The following RALYL variants were observed in gnomAD, a reference collection of about 807,000 sequenced individuals.
RALYL encodes RNA-binding Raly-like protein.
A neutral mutation model predicts 35.1 loss-of-function variants in RALYL; 29 were observed. The ratio of observed to expected loss-of-function variants is 0.83; its 90% confidence interval spans 0.61 to 1.13. RALYL has a LOEUF of 1.13. RALYL is among the 50% of genes most tolerant of loss of function. RALYL has a pLI of 0.00. For synonymous variants in RALYL, 120 were observed against 127.6 expected (o/e 0.94, Z 0.40); for missense variants, 359 against 360.4 (o/e 1.00, Z 0.03).
At chr8:84,369,881 T>A (rs1855333113) in intron 1 of RALYL, among the ~76,000 whole-genome samples, 1 of 152,118 alleles carries the variant, frequency 6.6e-6, no homozygotes, top group South Asian at 2.1e-4. Flanking sequence ...TCAGTTAATA[T>A]AATGAATTAA....
At chr8:84,640,665 A>G (rs543677304) in intron 2 of RALYL, among the ~76,000 whole-genome samples, 30 of 152,106 alleles carry the variant, frequency 2.0e-4, no homozygotes, top group African/African-American at 6.7e-4. Flanking sequence ...ACTGGAGGAA[A>G]AAACTTACAG....
chr8:84,628,343 T>G (rs537771145), intron 2 of RALYL, among the ~76,000 whole-genome samples: 1 of 152,232 alleles, frequency 6.6e-6, no homozygotes, highest in South Asian at 2.1e-4. Flanking sequence ...CAAAAAGGCC[T>G]TCCTCACTCC....
Position 84,568,039 on chromosome 8 carries a change from G to GT in RALYL, c.256+38471dup, listed in dbSNP as rs541180970. 9.6e-4 allele frequency among the ~76,000 whole-genome samples: 144 copies of GT among 150,256 alleles called. 1 individual carries two copies. In the South Asian group the frequency reaches 0.025, roughly 26 times the overall value. ...AATGTCTGTTCATGTCCTTTTCCCAGTTTTTTTTTAAATTTTATTATTATT... is the reference window on the plus strand; with the variant it reads ...AATGTCTGTTCATGTCCTTTTCCCAGTTTTTTTTTTAAATTTTATTATTATT... On this transcript the variant is annotated intron_variant, in intron 2 of 8. Transcript: ENST00000521268.
At chr8:84,425,128 G>A (rs1292669682) in intron 1 of RALYL, among the ~76,000 whole-genome samples, 1 of 152,238 alleles carries the variant, frequency 6.6e-6, no homozygotes, top group Non-Finnish European at 1.5e-5. Flanking sequence ...CCTGGGCAAT[G>A]GCGGACGCCC....
chr8:84,321,394 G>A (rs1844775433), intron 1 of RALYL, among the ~76,000 whole-genome samples: 1 of 152,120 alleles, frequency 6.6e-6, no homozygotes, highest in Non-Finnish European at 1.5e-5. Context: ...CCACATCAAA[G>A]ATCTGCTTAC....
At chr8:84,833,930 C>T (rs1330047349) in intron 4 of RALYL, among the ~76,000 whole-genome samples, 2 of 151,382 alleles carry the variant, frequency 1.3e-5, no homozygotes, top group Admixed American at 6.6e-5. Context: ...TAAATGATAA[C>T]TGTTAACATT....
intron 1 of RALYL, among the ~76,000 whole-genome samples, chr8:84,526,444 G>C (rs1445762112): frequency 6.6e-6 from 1 of 152,082 alleles, no homozygotes; most frequent in Non-Finnish European, 1.5e-5. Context: ...TAATTCTCCA[G>C]GTAGTCAATT....
At chr8:84,225,948 T>G (rs916625423) in intron 1 of RALYL, among the ~76,000 whole-genome samples, 8 of 152,158 alleles carry the variant, frequency 5.3e-5, no homozygotes, top group Non-Finnish European at 1.2e-4. Flanking sequence ...GAGAAGTAGG[T>G]TATTTAGTGA....
chr8:84,847,468 A>C (rs917552892), intron 4 of RALYL, among the ~76,000 whole-genome samples: 2 of 151,914 alleles, frequency 1.3e-5, no homozygotes, highest in African/African-American at 4.8e-5. Flanking sequence ...ATGTAGGTTT[A>C]GTCCACATTT....
chr8:84,767,987 G>A (rs550183513), intron 2 of RALYL, among the ~76,000 whole-genome samples: 63 of 152,270 alleles, frequency 4.1e-4, no homozygotes, highest in South Asian at 1.9e-3. Flanking sequence ...AGCTCTGAAC[G>A]TTGATATTTT....
chr8:84,606,683 C>A (rs1036551682), intron 2 of RALYL, among the ~76,000 whole-genome samples: 1 of 151,994 alleles, frequency 6.6e-6, no homozygotes, highest in African/African-American at 2.4e-5. Flanking sequence ...GTCTATCCAA[C>A]CTGATGTTGA....
chr8:84,594,273 A>T (rs140962541), intron 2 of RALYL, among the ~76,000 whole-genome samples: 228 of 152,242 alleles, frequency 1.5e-3, no homozygotes, highest in African/African-American at 5.3e-3. Context: ...AGTGCAGTCT[A>T]CAATAAATTA....
At chr8:84,635,157 A>T (rs28656771) in intron 2 of RALYL, among the ~76,000 whole-genome samples, 10,734 of 149,228 alleles carry the variant, frequency 0.072, 929 homozygotes, top group African/African-American at 0.21. Flanking sequence ...TACTTTACAT[A>T]TTTTTTTTAT....
chr8:84,299,589 T>G (rs979960691), intron 1 of RALYL, among the ~76,000 whole-genome samples: 2 of 151,992 alleles, frequency 1.3e-5, no homozygotes, highest in Non-Finnish European at 2.9e-5. Context: ...TGTGAATCTG[T>G]GTGGTCCAGG....
chr8:84,507,786 T>C (rs2057300247), intron 1 of RALYL, among the ~76,000 whole-genome samples: 1 of 152,172 alleles, frequency 6.6e-6, no homozygotes, highest in Non-Finnish European at 1.5e-5. Flanking sequence ...AGCAGTTTAT[T>C]TGAGTTTACA....
intron 8 of RALYL, among the ~76,000 whole-genome samples, chr8:84,911,446 T>C (rs1847497522): frequency 6.6e-6 from 1 of 152,172 alleles, no homozygotes; most frequent in South Asian, 2.1e-4. Flanking sequence ...TGATAGAGCA[T>C]AGAGATAAGA....
intron 8 of RALYL, among the ~76,000 whole-genome samples, chr8:84,907,864 T>A (rs888564186): frequency 6.6e-6 from 1 of 151,352 alleles, no homozygotes; most frequent in Non-Finnish European, 1.5e-5. Context: ...GGACAAAATT[T>A]AAAAAAAAAC....
chr8:84,916,592 C>T (rs1033918088), intron 8 of RALYL, among the ~76,000 whole-genome samples: 2 of 152,170 alleles, frequency 1.3e-5, no homozygotes, highest in South Asian at 4.1e-4. Flanking sequence ...TGACTTCCTC[C>T]TCCTTGCCTT....
intron 1 of RALYL, among the ~76,000 whole-genome samples, chr8:84,353,640 G>A (rs58944830): frequency 0.016 from 2,447 of 149,998 alleles, 233 homozygotes; most frequent in African/African-American, 0.057. Context: ...TTCACAGCAC[G>A]TCAAGATATG....
Sources: allele counts gnomAD v4.1 joint callset (sites outside exome capture counted in the v4.1 genomes callset), GRCh38; gene constraint gnomAD v4.1.1; transcripts MANE v1.5; gene names NCBI Gene and HGNC (gene_info 2026-07-23, HGNC 2026-07-21).